RABGEF1: variants seen among roughly 807,000 people sequenced by gnomAD.
The protein encoded by RABGEF1 is RAB guanine nucleotide exchange factor 1, also known as rab5 GDP/GTP exchange factor.
In RABGEF1, 26 loss-of-function variants were observed where a neutral mutation model predicts 57.3. That is an observed-to-expected ratio of 0.45 (90% confidence interval 0.33 to 0.63). The LOEUF is 0.63. Ranked by LOEUF, RABGEF1 falls within the 20% of genes least tolerant of loss-of-function variation. The pLI is 0.02. For missense variants in RABGEF1, 464 were observed against 607.6 expected, an observed-to-expected ratio of 0.76 and a Z score of 2.48; for synonymous variants, 185 against 210.7, an observed-to-expected ratio of 0.88 and a Z score of 1.06.
At chr7:66,693,420 A>G (rs1026415318) in intron 1 of RABGEF1, among the ~76,000 whole-genome samples, 8 of 152,070 alleles carry the variant, frequency 5.3e-5, no homozygotes, top group African/African-American at 1.9e-4. Context: ...CTTCCAGGGC[A>G]GGCCTGGCTC....
the RABGEF1 span, among the ~76,000 whole-genome samples, chr7:66,675,023 C>T: frequency 6.6e-6 from 1 of 151,680 alleles, no homozygotes; most frequent in African/African-American, 2.4e-5. Context: ...AATATTATAC[C>T]TAATAATAGT....
upstream of RABGEF1, among the ~76,000 whole-genome samples, chr7:66,737,552 T>C (rs1422053464): frequency 6.6e-6 from 1 of 152,148 alleles, no homozygotes; most frequent in Non-Finnish European, 1.5e-5. Context: ...ACCAGACTTC[T>C]TTCAGTAGTT....
intron 2 of RABGEF1, among the ~76,000 whole-genome samples, chr7:66,730,496 A>C (rs1335782067): frequency 1.3e-5 from 2 of 151,950 alleles, no homozygotes; most frequent in East Asian, 1.9e-4. Context: ...GGCTTAAGTT[A>C]AGGGGTAGAG....
intron 1 of RABGEF1, among the ~76,000 whole-genome samples, chr7:66,744,860 A>G (rs543700271): frequency 2.6e-5 from 4 of 152,206 alleles, no homozygotes; most frequent in Admixed American, 2.6e-4. Flanking sequence ...AGAATAACTC[A>G]TTGATTTCTT....
At chr7:66,802,796 C>T (rs1257643601) in intron 7 of RABGEF1, among the ~76,000 whole-genome samples, 1 of 152,174 alleles carries the variant, frequency 6.6e-6, no homozygotes, top group Non-Finnish European at 1.5e-5. Context: ...CCACCCCAGC[C>T]CTGCCTTATG....
intron 1 of RABGEF1, among the ~76,000 whole-genome samples, chr7:66,766,662 C>A (rs1319404548): frequency 7.2e-5 from 11 of 152,010 alleles, no homozygotes; most frequent in Admixed American, 2.0e-4. Flanking sequence ...AAGATCTGAT[C>A]TCTAAGGTAG....
At chr7:66,791,172 T>C (rs1391976655) in intron 4 of RABGEF1, among the ~76,000 whole-genome samples, 2 of 152,226 alleles carry the variant, frequency 1.3e-5, no homozygotes, top group Non-Finnish European at 2.9e-5. Flanking sequence ...TTTCTGGCTT[T>C]TTTGTTTGTT....
At chr7:66,766,874 G>A (rs1317856775) in intron 1 of RABGEF1, among the ~76,000 whole-genome samples, 3 of 151,870 alleles carry the variant, frequency 2.0e-5, no homozygotes, top group Non-Finnish European at 2.9e-5. Context: ...ACAGGCAAGC[G>A]CCACCATGCC....
chr7:66,687,449 A>G lies in RABGEF1; in HGVS notation c.-873+5191A>G, dbSNP rs73377543. 1.6e-3 allele frequency among the ~76,000 whole-genome samples: 234 copies of G among 150,442 alleles called. 1 individual carries two copies. Among genetic ancestry groups the G allele is most frequent in the African/African-American group, 4.9e-3 (201 of 41,088 alleles). On this transcript the variant is annotated intron_variant and NMD_transcript_variant, in intron 1 of 9. Coordinates refer to the RABGEF1 transcript ENST00000607882. Reference sequence around the variant, plus strand: ...CCCTTATCTTGGATTTCCAGACTCCATAACCAAGAGAAGTAAATTTCTGTT... The same window carrying G: ...CCCTTATCTTGGATTTCCAGACTCCGTAACCAAGAGAAGTAAATTTCTGTT...
At chr7:66,802,604 G>C (rs1787544217) in intron 7 of RABGEF1, among the ~76,000 whole-genome samples, 1 of 152,180 alleles carries the variant, frequency 6.6e-6, no homozygotes, top group African/African-American at 2.4e-5. Flanking sequence ...TCCTAGTTGA[G>C]ACTTTGAAGC....
intron 7 of RABGEF1, among the ~76,000 whole-genome samples, chr7:66,803,391 G>A (rs1238426615): frequency 2.6e-5 from 4 of 152,216 alleles, no homozygotes; most frequent in Admixed American, 1.3e-4. Context: ...CTAGTGGCAA[G>A]AATTTGGTGT....
At chr7:66,683,803 C>T (rs774936740) in intron 1 of RABGEF1, among the ~76,000 whole-genome samples, 1 of 152,000 alleles carries the variant, frequency 6.6e-6, no homozygotes, top group Non-Finnish European at 1.5e-5. Context: ...TACAGTGACA[C>T]GATCACGAGT....
chr7:66,775,461 A>G (rs1808301443), intron 3 of RABGEF1, 68 bp downstream of exon 3: 1 of 1,547,174 alleles, frequency 6.5e-7, no homozygotes, highest in Non-Finnish European at 8.8e-7. Flanking sequence ...CCCAATGCTC[A>G]TAAGCTCAGC....
intron 7 of RABGEF1, among the ~76,000 whole-genome samples, chr7:66,800,051 A>C (rs1786926452): frequency 6.6e-6 from 1 of 152,180 alleles, no homozygotes; most frequent in African/African-American, 2.4e-5. Context: ...CTTAATGGAG[A>C]GATGGTCATC....
At chr7:66,690,551 C>T (rs2117117670) in intron 1 of RABGEF1, among the ~76,000 whole-genome samples, 1 of 150,294 alleles carries the variant, frequency 6.7e-6, no homozygotes, top group South Asian at 2.1e-4. Context: ...CCCATCTCTA[C>T]CTAAAATACA....
At chr7:66,765,785 A>G (rs1276351284) in intron 1 of RABGEF1, among the ~76,000 whole-genome samples, 1 of 152,190 alleles carries the variant, frequency 6.6e-6, no homozygotes, top group Non-Finnish European at 1.5e-5. Flanking sequence ...ATCAGCTGTG[A>G]TCCTGAATTG....
At chr7:66,796,937 A>G (rs1170388849) in intron 5 of RABGEF1, 2 of 438,466 alleles carry the variant, frequency 4.6e-6, no homozygotes, top group South Asian at 3.3e-5. Flanking sequence ...ACATTCTTAT[A>G]CTTTTGTTCT....
chr7:66,765,881 T>C (rs189382041), intron 1 of RABGEF1, among the ~76,000 whole-genome samples: 170 of 152,284 alleles, frequency 1.1e-3, no homozygotes, highest in African/African-American at 3.8e-3. Context: ...CATGGGAGGT[T>C]ATGTGCTAGG....
chr7:66,757,906 C>T (rs185058955), intron 1 of RABGEF1, among the ~76,000 whole-genome samples: 8 of 152,128 alleles, frequency 5.3e-5, no homozygotes, highest in Non-Finnish European at 8.8e-5. Flanking sequence ...CCACTGCGCC[C>T]GGCCGACCAA....
Sources: gnomAD v4.1 joint callset for allele counts (sites outside exome capture counted in the v4.1 genomes callset) on GRCh38, gnomAD v4.1.1 for gene constraint, MANE v1.5 for transcripts, NCBI Gene and HGNC (gene_info 2026-07-23, HGNC 2026-07-21) for gene names.